BTD: variants seen among roughly 807,000 people sequenced by gnomAD.
The protein encoded by BTD is biotinidase.
In BTD, 13 loss-of-function variants were observed where a neutral mutation model predicts 17.7. The observed-to-expected ratio is 0.74, with a 90% CI of 0.48 to 1.17. BTD has a LOEUF of 1.17. Ranked by LOEUF, BTD falls within the 50% of genes most tolerant of loss-of-function variation. The pLI is 0.00. For missense variants in BTD, 674 were observed against 650.4 expected (o/e 1.04, Z -0.39); for synonymous variants, 240 against 245.2 (o/e 0.98, Z 0.20).
intron 1 of BTD, among the ~76,000 whole-genome samples, chr3:15,623,980 A>G (rs1376825848): frequency 6.6e-6 from 1 of 152,242 alleles, no homozygotes; most frequent in Non-Finnish European, 1.5e-5. Flanking sequence ...GGACTAATAC[A>G]GACGCACAAT....
At chr3:15,673,498 G>A (rs2066590010) in intron 3 of BTD, among the ~76,000 whole-genome samples, 1 of 152,174 alleles carries the variant, frequency 6.6e-6, no homozygotes, top group African/African-American at 2.4e-5. Context: ...CACTTTAGTG[G>A]AGAAGACACA....
At chr3:15,616,766 T>G (rs761884030) in intron 1 of BTD, among the ~76,000 whole-genome samples, 9 of 152,246 alleles carry the variant, frequency 5.9e-5, no homozygotes, top group Non-Finnish European at 7.3e-5. Flanking sequence ...GAACATCTTT[T>G]CATAAGTTTA....
At chr3:15,659,386 T>G (rs776755418) in intron 3 of BTD, among the ~76,000 whole-genome samples, 1 of 152,120 alleles carries the variant, frequency 6.6e-6, no homozygotes, top group African/African-American at 2.4e-5. Context: ...GACTCCCAAG[T>G]GCTTTGCCAA....
At chr3:15,690,723 C>G (rs1179044828) in intron 3 of BTD, among the ~76,000 whole-genome samples, 3 of 152,112 alleles carry the variant, frequency 2.0e-5, no homozygotes, top group Admixed American at 6.6e-5. Context: ...CGTCACCATG[C>G]CCAGCTAATT....
chr3:15,642,439 A>G (rs1292717245), intron 3 of BTD, among the ~76,000 whole-genome samples: 1 of 151,044 alleles, frequency 6.6e-6, no homozygotes, highest in East Asian at 1.9e-4. Context: ...TGCATTTCAT[A>G]GTTATTGACA....
At chr3:15,684,064 G>A (rs1202568663) in intron 3 of BTD, 1 of 152,158 alleles carries the variant, frequency 6.6e-6, no homozygotes, top group Non-Finnish European at 1.5e-5. Flanking sequence ...AAGCTACACT[G>A]AAATTGAAAA....
At chr3:15,707,833 A>C (rs1013378321) in intron 3 of BTD, 47 of 1,457,952 alleles carry the variant, frequency 3.2e-5, no homozygotes, top group Non-Finnish European at 4.0e-5. Context: ...AAATACAAAG[A>C]GGAAACACAA....
At chr3:15,677,530 T>G (rs1226157450) in intron 3 of BTD, 2 of 1,613,052 alleles carry the variant, frequency 1.2e-6, no homozygotes, top group South Asian at 2.2e-5. Flanking sequence ...TCTTGTAAAG[T>G]CAGTTCTGCA....
intron 1 of BTD, chr3:15,631,517 G>A (rs1474866165): frequency 1.3e-6 from 2 of 1,510,256 alleles, no homozygotes; most frequent in African/African-American, 2.8e-5. Context: ...TCCCTTGTGT[G>A]TAAAAATATC....
intron 3 of BTD, among the ~76,000 whole-genome samples, chr3:15,663,061 G>T (rs2065941708): frequency 6.6e-6 from 1 of 151,890 alleles, no homozygotes; most frequent in Non-Finnish European, 1.5e-5. Flanking sequence ...GCAATGGCGT[G>T]ATCTTGGCTT....
chr3:15,685,272 T>C, intron 3 of BTD: 1 of 1,614,052 alleles, frequency 6.2e-7, no homozygotes, highest in South Asian at 1.1e-5. Context: ...GATTGTCTGC[T>C]GTGGCTGGAT....
At chr3:15,686,519 C>A in intron 3 of BTD, 1 of 568,862 alleles carries the variant, frequency 1.8e-6, no homozygotes, top group South Asian at 2.1e-5. Flanking sequence ...TAAAACATGA[C>A]AGGCAGACCG....
chr3:15,616,833 A>G (rs1439865701), intron 1 of BTD, among the ~76,000 whole-genome samples: 1 of 151,332 alleles, frequency 6.6e-6, no homozygotes, highest in Non-Finnish European at 1.5e-5. Flanking sequence ...TGCTTATTTT[A>G]TTTTATTTAT....
chr3:15,602,056 GC>G (rs1176406736), intron 1 of BTD, 162 bp downstream of exon 1: 1 of 1,463,318 alleles, frequency 6.8e-7, no homozygotes, highest in South Asian at 1.4e-5. Flanking sequence ...GTGCGTTGCT[GC>G]TGTGCTACCG....
intron 3 of BTD, among the ~76,000 whole-genome samples, chr3:15,682,024 T>G (rs553418775): frequency 6.6e-6 from 1 of 152,168 alleles, no homozygotes; most frequent in East Asian, 1.9e-4. Flanking sequence ...TAAGAGCCCC[T>G]CATTCTCCAG....
chr3:15,711,852 A>T (rs1028781037), exon 4 of BTD, among the ~76,000 whole-genome samples: 1 of 129,604 alleles, frequency 7.7e-6, no homozygotes, highest in Non-Finnish European at 1.8e-5. Flanking sequence ...ACGCCCAGCT[A>T]ATTTTTTTTT....
downstream of BTD, chr3:15,714,561 A>C (rs757484959): frequency 3.4e-4 from 529 of 1,558,302 alleles, 2 homozygotes; most frequent in Middle Eastern, 4.1e-3. Context: ...CAAAAAAAAA[A>C]CAGAAATACT....
At chr3:15,688,989 T>C (rs1375096292) in intron 3 of BTD, among the ~76,000 whole-genome samples, 1 of 152,208 alleles carries the variant, frequency 6.6e-6, no homozygotes, top group Non-Finnish European at 1.5e-5. Context: ...TACTGCATTG[T>C]TTTGTTGATA....
At chr3:15,711,403 AG>A (rs1428239455) in exon 4 of BTD, 1 of 684,496 alleles carries the variant, frequency 1.5e-6, no homozygotes, top group Non-Finnish European at 2.5e-6. Flanking sequence ...TAAGTGCTAG[AG>A]TGCCTGTTTA....
Sources: gnomAD v4.1 joint callset for allele counts (sites outside exome capture counted in the v4.1 genomes callset) on GRCh38, gnomAD v4.1.1 for gene constraint, MANE v1.5 for transcripts, NCBI Gene and HGNC (gene_info 2026-07-23, HGNC 2026-07-21) for gene names.